The following MATN2 variants were observed in gnomAD, a reference collection of about 807,000 sequenced individuals.
MATN2 encodes the protein matrilin-2.
Under a neutral mutation model 103.2 loss-of-function variants are expected in MATN2, and 69 were observed. The ratio of observed to expected loss-of-function variants is 0.67; its 90% CI spans 0.55 to 0.82. The LOEUF is 0.82. MATN2 is among the 40% of genes least tolerant of loss of function. MATN2 has a pLI of 0.00. For synonymous variants in MATN2, 429 were observed against 450.2 expected (o/e 0.95, Z 0.60); for missense variants, 1,023 against 1,211.5 (o/e 0.84, Z 2.31).
At chr8:97,944,457 T>C (rs897320969) in intron 4 of MATN2, among the ~76,000 whole-genome samples, 1 of 152,212 alleles carries the variant, frequency 6.6e-6, no homozygotes, top group Admixed American at 6.5e-5. Context: ...ATAATACTAA[T>C]AACTCTTTTG....
At chr8:97,898,457 TG>T in intron 2 of MATN2, among the ~76,000 whole-genome samples, 1 of 151,986 alleles carries the variant, frequency 6.6e-6, no homozygotes, top group South Asian at 2.1e-4. Context: ...ATTAGCCAGG[TG>T]TGGTGGTGGG....
At chr8:97,984,775 G>A (rs533376715) in intron 6 of MATN2, among the ~76,000 whole-genome samples, 1 of 152,230 alleles carries the variant, frequency 6.6e-6, no homozygotes, top group African/African-American at 2.4e-5. Context: ...TATGATTGTA[G>A]ACACTGGGCA....
chr8:97,917,276 A>G (rs1809663697), intron 2 of MATN2, among the ~76,000 whole-genome samples: 1 of 152,216 alleles, frequency 6.6e-6, no homozygotes, highest in Non-Finnish European at 1.5e-5. Context: ...CTCTGCCAGC[A>G]CACTCACCTG....
intron 2 of MATN2, among the ~76,000 whole-genome samples, chr8:97,889,231 G>C (rs1359513665): frequency 6.6e-6 from 1 of 151,868 alleles, no homozygotes; most frequent in Non-Finnish European, 1.5e-5. Context: ...GGGACCACAG[G>C]GACCTAAAGA....
chr8:98,024,521 A>G (rs988327929), intron 13 of MATN2, among the ~76,000 whole-genome samples: 9 of 152,064 alleles, frequency 5.9e-5, no homozygotes, highest in Non-Finnish European at 7.4e-5. Context: ...CAACAACAAC[A>G]ACAACAAACA....
chr8:97,893,421 G>A (rs932795416), intron 2 of MATN2, among the ~76,000 whole-genome samples: 3 of 152,208 alleles, frequency 2.0e-5, no homozygotes, highest in East Asian at 1.9e-4. Flanking sequence ...GCTAATGGCC[G>A]CCTGCTTCGT....
intron 5 of MATN2, among the ~76,000 whole-genome samples, chr8:97,978,527 A>G (rs1811912336): frequency 6.6e-6 from 1 of 152,214 alleles, no homozygotes; most frequent in African/African-American, 2.4e-5. Flanking sequence ...TAATGCCCCT[A>G]CCATTAATAA....
At chr8:97,995,582 C>T (rs1415644649) in intron 7 of MATN2, among the ~76,000 whole-genome samples, 2 of 152,188 alleles carry the variant, frequency 1.3e-5, no homozygotes, top group Non-Finnish European at 2.9e-5. Context: ...TGTTCCTTCA[C>T]CCATTTCTTC....
intron 7 of MATN2, among the ~76,000 whole-genome samples, chr8:97,998,791 G>A (rs887451624): frequency 2.0e-5 from 3 of 151,584 alleles, no homozygotes; most frequent in East Asian, 1.9e-4. Flanking sequence ...TTTGCAATAC[G>A]TAAATATAAA....
chr8:98,000,220 G>A lies in MATN2; in HGVS notation c.1205-3441G>A, dbSNP rs529039025. The stretch of plus-strand genomic sequence containing the variant: ...CCCTTTGAGGGGTCCTTCAGGTCTG[G>A]GTCCCATTCACATTTCCATTTTTAC... On this transcript the variant is annotated intron_variant, in intron 7 of 18. Coordinates refer to ENST00000254898, the MANE Select transcript of MATN2 (RefSeq NM_002380.5). Among the ~76,000 whole-genome samples, 99 of 152,058 alleles carry A rather than the reference G, an allele frequency of 6.5e-4. 1 individual carries two copies. In the Middle Eastern group the frequency reaches 0.02, roughly 31 times the overall value.
Position 98,007,721 on chromosome 8 carries a change from G to A in MATN2, c.1573+120G>A. The A allele has an allele frequency of 8.3e-7, 1 of 1,210,498 alleles. No homozygotes were observed. The highest frequency in any genetic ancestry group is 1.2e-6 in the Non-Finnish European group (1 of 868,622). 75.0% of individuals were successfully genotyped at this position (1,210,498 alleles called of 1,614,324 possible). A position where few individuals can be genotyped will look rare whatever the true frequency, so the allele number is the denominator to read the frequency against. On this transcript the variant is annotated intron_variant, in intron 10 of 18. Coordinates refer to ENST00000254898, the MANE Select transcript of MATN2 (RefSeq NM_002380.5). The surrounding 1 kb of genome is among the most constrained non-coding windows in gnomAD (Gnocchi z 4.2). ...TCTCCAGGCTTTGCTGGGCCTGCAT[G>A]AATGTGTGTGACAGCATCTCTTAGC...
intron 1 of MATN2, among the ~76,000 whole-genome samples, chr8:97,873,554 A>G (rs985116428): frequency 6.6e-6 from 1 of 151,192 alleles, no homozygotes; most frequent in African/African-American, 2.4e-5. Context: ...CTGGTCTCAA[A>G]CTCTTGACCT....
At chr8:97,955,477 T>A (rs11996901) in intron 4 of MATN2, among the ~76,000 whole-genome samples, 3,214 of 152,276 alleles carry the variant, frequency 0.021, 126 homozygotes, top group African/African-American at 0.073. Flanking sequence ...GGGTAAAAGT[T>A]AGCTATTCTA....
intron 7 of MATN2, among the ~76,000 whole-genome samples, chr8:98,001,783 T>C (rs1350534883): frequency 6.6e-6 from 1 of 151,034 alleles, no homozygotes; most frequent in East Asian, 1.9e-4. Flanking sequence ...TGGCCACCTT[T>C]GTCTTTTCAG....
chr8:97,979,473 G>T (rs1197054155), intron 6 of MATN2, among the ~76,000 whole-genome samples: 1 of 152,158 alleles, frequency 6.6e-6, no homozygotes, highest in Non-Finnish European at 1.5e-5. Context: ...TGTTTTGTTT[G>T]AGCTATTTAG....
chr8:98,030,306 A>AAAT (rs1813966467), intron 14 of MATN2, among the ~76,000 whole-genome samples, 156 bp from the exon 15 acceptor site: 1 of 152,192 alleles, frequency 6.6e-6, no homozygotes, highest in East Asian at 1.9e-4. Flanking sequence ...CATAGGACCA[A>AAAT]AATAAAAATG....
chr8:98,033,504 T>A (rs1814113781), intron 17 of MATN2, 57 bp from the exon 18 acceptor site: 2 of 879,208 alleles, frequency 2.3e-6, no homozygotes, highest in Non-Finnish European at 3.5e-6. Context: ...CCTATTATTA[T>A]GCGTCTGGGA....
chr8:97,978,302 T>C (rs1041685663), intron 5 of MATN2, among the ~76,000 whole-genome samples: 2 of 152,262 alleles, frequency 1.3e-5, no homozygotes, highest in Non-Finnish European at 2.9e-5. Context: ...GTGGAACTAA[T>C]GAAAAATCAG....
chr8:97,962,336 A>G (rs956341408), intron 5 of MATN2, among the ~76,000 whole-genome samples: 6 of 152,126 alleles, frequency 3.9e-5, no homozygotes, highest in East Asian at 1.9e-4. Flanking sequence ...TGTTTTCAGG[A>G]CCCTATTTTA....
Sources: allele counts gnomAD v4.1 joint callset (sites outside exome capture counted in the v4.1 genomes callset), GRCh38; gene constraint gnomAD v4.1.1; non-coding constraint Gnocchi (gnomAD v3.1); transcripts MANE v1.5; gene names NCBI Gene and HGNC (gene_info 2026-07-23, HGNC 2026-07-21).